DGKB: variants seen among roughly 807,000 people sequenced by gnomAD.
The protein encoded by DGKB is 90 kDa diacylglycerol kinase.
DGKB carries 67 observed loss-of-function variants against 114.3 expected under a neutral mutation model. The ratio of observed to expected loss-of-function variants is 0.59; its 90% CI spans 0.48 to 0.72. The LOEUF is 0.72. Among genes scored for constraint, DGKB ranks in the 30% least tolerant of loss-of-function variants. The probability of loss-of-function intolerance (pLI) is 0.00; values close to 1 mark genes in which losing one functional copy is unlikely to be tolerated. For missense variants in DGKB, 907 were observed against 975.2 expected (o/e 0.93, Z 0.93); for synonymous variants, 398 against 323.1 (o/e 1.23, Z -2.49).
intron 1 of DGKB, among the ~76,000 whole-genome samples, chr7:14,842,050 C>T (rs1848011752): frequency 6.6e-6 from 1 of 152,200 alleles, no homozygotes; most frequent in South Asian, 2.1e-4. Context: ...GACCTACATT[C>T]ACTGGCTATA....
intron 1 of DGKB, among the ~76,000 whole-genome samples, chr7:14,911,213 G>A (rs1399573838): frequency 6.6e-6 from 1 of 151,700 alleles, no homozygotes; most frequent in Non-Finnish European, 1.5e-5. Context: ...CTTATCTTTA[G>A]TTCTTTGAAA....
chr7:14,917,338 A>G lies in DGKB; in HGVS notation c.-188+57358T>C, dbSNP rs183169244. Among the ~76,000 whole-genome samples the G allele has an allele frequency of 3.3e-3, 497 of 152,184 alleles. 4 individuals carry two copies. The highest frequency in any genetic ancestry group is 0.011 in the African/African-American group (467 of 41,572). On this transcript the variant is annotated intron_variant, in intron 1 of 4. Transcript: ENST00000437998. ...AATAGCAAAAAAATCAATGAAAGCA[A>G]AAGTTAGATCTTAGAGCAATAAAAT... is the stretch of plus-strand genomic sequence containing the variant.
intron 23 of DGKB, among the ~76,000 whole-genome samples, chr7:14,276,222 C>T (rs1798965746): frequency 6.6e-6 from 1 of 152,098 alleles, no homozygotes; most frequent in South Asian, 2.1e-4. Flanking sequence ...GCTCTCCATT[C>T]CCTAAAAAAA....
intron 2 of DGKB, among the ~76,000 whole-genome samples, chr7:14,820,423 T>A (rs1403585184): frequency 2.6e-5 from 4 of 152,158 alleles, no homozygotes; most frequent in African/African-American, 9.6e-5. Flanking sequence ...TAAAATCCTA[T>A]GCAACCCCTG....
At position 14,659,774 on chromosome 7, in the gene DGKB, G is replaced by A. The variant is rs371184102; in HGVS notation, c.1134+13155C>T. On this transcript the variant is annotated intron_variant, in intron 13 of 25. Coordinates refer to ENST00000402815, the MANE Select transcript of DGKB (RefSeq NM_001350709.2). ...GCCAGAACTTCCAACACTATGTTGAGTAGGAGTGGTGAGAGAGGGCATCCC... is the reference window on the plus strand; with the variant it reads ...GCCAGAACTTCCAACACTATGTTGAATAGGAGTGGTGAGAGAGGGCATCCC... 5.2e-4 allele frequency among the ~76,000 whole-genome samples: 78 copies of A among 149,964 alleles called. No individual in the cohort carries two copies. The East Asian group carries it at 0.014, about 28-fold the overall frequency.
intron 20 of DGKB, among the ~76,000 whole-genome samples, chr7:14,505,160 A>C (rs1786833175): frequency 6.6e-6 from 1 of 152,180 alleles, no homozygotes; most frequent in African/African-American, 2.4e-5. Flanking sequence ...TGTTTCAAGA[A>C]TAGACTAAAC....
intron 2 of DGKB, among the ~76,000 whole-genome samples, chr7:14,819,374 C>A (rs183353334): frequency 1.3e-5 from 2 of 152,022 alleles, no homozygotes; most frequent in Non-Finnish European, 2.9e-5. Context: ...ACGCTTGAGC[C>A]CAGAAGTTCA....
At chr7:14,972,914 G>A (rs1388953037) in intron 1 of DGKB, among the ~76,000 whole-genome samples, 1 of 151,956 alleles carries the variant, frequency 6.6e-6, no homozygotes, top group Non-Finnish European at 1.5e-5. Flanking sequence ...ACATATAGGT[G>A]GGAGCTTGCA....
intron 4 of DGKB, among the ~76,000 whole-genome samples, chr7:14,742,655 A>T (rs1378824901): frequency 2.0e-5 from 3 of 152,226 alleles, no homozygotes; most frequent in Non-Finnish European, 2.9e-5. Flanking sequence ...CAAGCCCTTG[A>T]ACAGGCTAGA....
intron 21 of DGKB, among the ~76,000 whole-genome samples, chr7:14,370,710 T>C (rs1185417643): frequency 6.6e-6 from 1 of 152,128 alleles, no homozygotes; most frequent in Non-Finnish European, 1.5e-5. Context: ...CACGTGGATG[T>C]CTGTTACATG....
chr7:14,925,841 C>T (rs553656516), intron 1 of DGKB, among the ~76,000 whole-genome samples: 33 of 150,344 alleles, frequency 2.2e-4, no homozygotes, highest in Admixed American at 8.6e-4. Context: ...ACCTTCATGT[C>T]ATTTGCAAAT....
intron 23 of DGKB, among the ~76,000 whole-genome samples, chr7:14,295,415 G>A (rs898236028): frequency 6.6e-6 from 1 of 151,984 alleles, no homozygotes; most frequent in African/African-American, 2.4e-5. Context: ...AGGAGCTTCG[G>A]GGGCCAAAAG....
At chr7:14,575,496 T>C (rs866080315) in intron 19 of DGKB, among the ~76,000 whole-genome samples, 3 of 152,244 alleles carry the variant, frequency 2.0e-5, no homozygotes, top group Non-Finnish European at 2.9e-5. Flanking sequence ...ACTGTTTTTG[T>C]TTCTGAATCT....
At chr7:14,279,210 G>C (rs909539376) in intron 23 of DGKB, among the ~76,000 whole-genome samples, 4 of 149,130 alleles carry the variant, frequency 2.7e-5, no homozygotes, top group African/African-American at 1.0e-4. Flanking sequence ...ATTATATCCC[G>C]CACGTGGCTC....
At chr7:14,548,235 T>C (rs777173865) in intron 20 of DGKB, among the ~76,000 whole-genome samples, 2 of 152,314 alleles carry the variant, frequency 1.3e-5, no homozygotes, top group East Asian at 1.9e-4. Flanking sequence ...ATGTGCAGAT[T>C]AGGCACACTT....
chr7:14,592,837 TATA>T (rs1042401549), intron 17 of DGKB, among the ~76,000 whole-genome samples: 15 of 151,934 alleles, frequency 9.9e-5, no homozygotes, highest in Non-Finnish European at 1.9e-4. Flanking sequence ...TAAAATTAAT[TATA>T]ATAATATCCT....
intron 20 of DGKB, among the ~76,000 whole-genome samples, chr7:14,530,802 G>C (rs1186013990): frequency 1.3e-5 from 2 of 151,448 alleles, no homozygotes; most frequent in Non-Finnish European, 3.0e-5. Context: ...TTCTTGTATA[G>C]AATGTCATTT....
chr7:14,365,786 T>A (rs992902773), intron 21 of DGKB, among the ~76,000 whole-genome samples: 1 of 152,052 alleles, frequency 6.6e-6, no homozygotes, highest in African/African-American at 2.4e-5. Context: ...TGTAAAAAAA[T>A]ATAATTAGCA....
intron 1 of DGKB, among the ~76,000 whole-genome samples, chr7:14,974,424 G>A (rs1329554343): frequency 6.6e-6 from 1 of 152,002 alleles, no homozygotes; most frequent in Non-Finnish European, 1.5e-5. Flanking sequence ...ATCTTTAAAA[G>A]CTGAAAATTA....
Sources: allele counts gnomAD v4.1 joint callset (sites outside exome capture counted in the v4.1 genomes callset), GRCh38; gene constraint gnomAD v4.1.1; transcripts MANE v1.5; gene names NCBI Gene and HGNC (gene_info 2026-07-23, HGNC 2026-07-21).